The following USP40 variants were observed in gnomAD, a reference collection of about 807,000 sequenced individuals.
The protein encoded by USP40 is ubiquitin carboxyl-terminal hydrolase 40.
A neutral mutation model predicts 166.2 loss-of-function variants in USP40; 143 were observed. The observed-to-expected ratio is 0.86, with a 90% CI of 0.75 to 0.99. USP40 has a LOEUF of 0.99. Among genes scored for constraint, USP40 ranks in the 50% least tolerant of loss-of-function variants. USP40 has a pLI of 0.00. For missense variants in USP40, 1,444 were observed against 1,479.7 expected (o/e 0.98, Z 0.40); for synonymous variants, 498 against 524.0 (o/e 0.95, Z 0.68).
chr2:233,521,371 G>A (rs2067645415), intron 16 of USP40, among the ~76,000 whole-genome samples: 1 of 152,172 alleles, frequency 6.6e-6, no homozygotes. Flanking sequence ...TAAGTAAACA[G>A]TTGCTGGCTT....
rs931219899 is a variant in USP40, at chr2:233,518,002, T to C, written c.2383+1612A>G. On this transcript the variant is annotated intron_variant, in intron 18 of 31. Transcript: ENST00000678225. ...TGAGGACACAAAGGCACAAGAATGA[T>C]ATAGTGGACTTTGGGGACTTGGGGG... Among the ~76,000 whole-genome samples the C allele has an allele frequency of 4.0e-5, 6 of 149,634 alleles. No homozygotes were observed. The East Asian group carries it at 1.2e-3, about 30-fold the overall frequency.
In USP40 at chr2:233,565,367, G is replaced by A. The variant is rs1239388089; in HGVS notation, c.188C>T (p.Pro63Leu). Reference sequence around the variant, plus strand: ...GTAACATAGCATACCTCTGAATTCAGGTGTGAAATGAAGAGTCTGAAGAAG... The same window carrying A: ...GTAACATAGCATACCTCTGAATTCAAGTGTGAAATGAAGAGTCTGAAGAAG... Reference protein sequence around the residue: ...NSLLQTLHFTPEFREALFSLG... With the variant: ...NSLLQTLHFTLEFREALFSLG... The change falls in exon 2 of 32, where the codon CCT (proline) becomes CTT (leucine). Residue 63 changes from proline to leucine, a missense_variant. Physicochemically the swap from Pro to Leu is moderately conservative, Grantham distance 98. Transcript: ENST00000678225. 2 of 1,536,420 alleles carry A rather than the reference G, an allele frequency of 1.3e-6. No homozygotes were observed. Among genetic ancestry groups the A allele is most frequent in the Admixed American group, 2.0e-5 (1 of 50,974 alleles).
chr2:233,531,465 A>G (rs573571433), intron 11 of USP40, among the ~76,000 whole-genome samples: 11 of 152,302 alleles, frequency 7.2e-5, no homozygotes, highest in Admixed American at 2.0e-4. Context: ...TCATTTACAT[A>G]TTCCAATTAC....
chr2:233,526,482 T>C (rs1158296248), intron 13 of USP40, among the ~76,000 whole-genome samples: 1 of 152,166 alleles, frequency 6.6e-6, no homozygotes, highest in Non-Finnish European at 1.5e-5. Context: ...ATCTAGTATT[T>C]AAAAAACTTC....
chr2:233,477,993 G>A (rs530036438), intron 31 of USP40, among the ~76,000 whole-genome samples: 3 of 152,204 alleles, frequency 2.0e-5, no homozygotes, highest in East Asian at 1.9e-4. Flanking sequence ...GGCACCGTGC[G>A]GCAGGTGCTC....
intron 11 of USP40, 115 bp from the exon 12 acceptor site, chr2:233,529,627 T>A: frequency 1.6e-6 from 1 of 612,914 alleles, no homozygotes; most frequent in Non-Finnish European, 2.7e-6. Flanking sequence ...TGCTACTAAT[T>A]AGCTGTGTGA....
chr2:233,517,762 G>A lies in USP40; in HGVS notation c.2383+1852C>T, dbSNP rs1575275550. ...CCAACCCAAATGCCCATCAATCAAT[G>A]AGTGGATAAAGAAACTGTGGTGTGT... On this transcript the variant is annotated intron_variant, in intron 18 of 31. Coordinates refer to ENST00000678225, the MANE Select transcript of USP40 (RefSeq NM_001365479.2). 2.0e-5 allele frequency among the ~76,000 whole-genome samples: 3 copies of A among 150,200 alleles called. No individual in the cohort carries two copies. In the Admixed American group the frequency reaches 2.0e-4, roughly 10 times the overall value.
intron 18 of USP40, among the ~76,000 whole-genome samples, chr2:233,514,159 G>C (rs1004888566): frequency 2.0e-5 from 3 of 152,190 alleles, no homozygotes; most frequent in African/African-American, 7.2e-5. Context: ...CTAGAAACTG[G>C]AAATACAGTG....
intron 8 of USP40, chr2:233,545,531 G>A (rs1458887913): frequency 1.3e-5 from 2 of 152,260 alleles, no homozygotes; most frequent in Non-Finnish European, 2.9e-5. Context: ...GTCCCCCCAG[G>A]AAGCTGGTGG....
chr2:233,517,741 C>A (rs569076895), intron 18 of USP40, among the ~76,000 whole-genome samples: 19 of 151,650 alleles, frequency 1.3e-4, no homozygotes, highest in Middle Eastern at 3.4e-3. Context: ...ATGGAACCAA[C>A]CCAAATGCCC....
At chr2:233,535,820 T>TA (rs925418190) in intron 10 of USP40, among the ~76,000 whole-genome samples, 2 of 152,160 alleles carry the variant, frequency 1.3e-5, no homozygotes, top group African/African-American at 4.8e-5. Context: ...TTGTTTTTCT[T>TA]AAAAAATCTA....
At chr2:233,547,497 C>T (rs959009290) in intron 8 of USP40, among the ~76,000 whole-genome samples, 21 of 152,156 alleles carry the variant, frequency 1.4e-4, no homozygotes, top group African/African-American at 3.9e-4. Context: ...TGCCGTATTA[C>T]AAGTAAATGT....
At chr2:233,566,614 C>A (rs940761365) in intron 1 of USP40, 70 bp downstream of exon 1, 2 of 893,082 alleles carry the variant, frequency 2.2e-6, no homozygotes, top group East Asian at 2.4e-4. Context: ...CCTCCTCAGA[C>A]TGGGCCACCA....
chr2:233,487,656 C>A, intron 28 of USP40: 1 of 201,360 alleles, frequency 5.0e-6, no homozygotes, highest in Non-Finnish European at 1.0e-5. Context: ...AAATATTTTC[C>A]TACAGCGAAA....
intron 21 of USP40, among the ~76,000 whole-genome samples, chr2:233,501,418 G>C (rs1269196765): frequency 6.6e-6 from 1 of 152,210 alleles, no homozygotes; most frequent in Admixed American, 6.5e-5. Flanking sequence ...CAGGAGGGTT[G>C]TGAGTATAGG....
rs1158427662 is a variant in USP40, at chr2:233,510,392, C to CTTTTTTTTTTTTTTTTTT, written c.2527-275_2527-258dup. Among the ~76,000 whole-genome samples the CTTTTTTTTTTTTTTTTTT allele has an allele frequency of 1.6e-4, 11 of 68,688 alleles. 1 individual carries two copies. The highest frequency in any genetic ancestry group is 1.0e-3 in the South Asian group (2 of 1,942). The allele number at this position is 68,688 out of a possible 152,430, so 45.1% of individuals were successfully genotyped here. A position where few individuals can be genotyped will look rare whatever the true frequency, so the allele number is the denominator to read the frequency against. On this transcript the variant is annotated intron_variant, in intron 20 of 31. Coordinates refer to ENST00000678225, the MANE Select transcript of USP40 (RefSeq NM_001365479.2). Reference sequence around the variant, plus strand: ...CCACATACACTACTTCTTTTTCTTTCTTTTTTTTTTTTTTTTTTTTTTTTT... The same window carrying CTTTTTTTTTTTTTTTTTT: ...CCACATACACTACTTCTTTTTCTTTCTTTTTTTTTTTTTTTTTTTTTTTTTTTTTTTTTTTTTTTTTTT...
At chr2:233,513,427 T>C (rs1407289565) in intron 18 of USP40, among the ~76,000 whole-genome samples, 1 of 152,238 alleles carries the variant, frequency 6.6e-6, no homozygotes. Flanking sequence ...GAAGTGTACA[T>C]GCAGTGACAA....
intron 5 of USP40, among the ~76,000 whole-genome samples, chr2:233,556,405 C>T (rs539344130): frequency 1.3e-5 from 2 of 152,124 alleles, no homozygotes; most frequent in South Asian, 2.1e-4. Flanking sequence ...CATAAGCACA[C>T]ATATATAAAT....
At chr2:233,478,824 A>G (rs77068616) in intron 31 of USP40, among the ~76,000 whole-genome samples, 8,349 of 148,692 alleles carry the variant, frequency 0.056, 620 homozygotes, top group African/African-American at 0.18. Context: ...CAAAAGAGAA[A>G]GGAAAGCTTC....
Sources: allele counts gnomAD v4.1 joint callset (sites outside exome capture counted in the v4.1 genomes callset), GRCh38; gene constraint gnomAD v4.1.1; transcripts MANE v1.5; gene names NCBI Gene and HGNC (gene_info 2026-07-23, HGNC 2026-07-21).